KSR2: variants seen among roughly 807,000 people sequenced by gnomAD.
The protein encoded by KSR2 is kinase suppressor of ras 2.
In KSR2, 25 loss-of-function variants were observed where a neutral mutation model predicts 107.8. That is an observed-to-expected ratio of 0.23 (90% CI 0.17 to 0.32). The LOEUF (loss-of-function observed/expected upper bound fraction) is 0.32, where lower values mean the gene tolerates loss of function less well. Among genes scored for constraint, KSR2 ranks in the 10% least tolerant of loss-of-function variants. The probability of loss-of-function intolerance (pLI) is 1.00; values close to 1 mark genes in which losing one functional copy is unlikely to be tolerated. For synonymous variants in KSR2, 480 were observed against 507.0 expected, an observed-to-expected ratio of 0.95 and a Z score of 0.71; for missense variants, 887 against 1,268.9, an observed-to-expected ratio of 0.70 and a Z score of 4.57.
chr12:117,878,156 G>A (rs533466256), intron 1 of KSR2, among the ~76,000 whole-genome samples: 28 of 96,974 alleles, frequency 2.9e-4, no homozygotes, highest in Non-Finnish European at 1.2e-4. Flanking sequence ...TTGCACCACC[G>A]TGCAAGAATT....
intron 5 of KSR2, among the ~76,000 whole-genome samples, chr12:117,597,687 T>C (rs1880726111): frequency 6.6e-6 from 1 of 152,238 alleles, no homozygotes; most frequent in Admixed American, 6.5e-5. Flanking sequence ...TTTCAGCCAC[T>C]GATTTTATGA....
chr12:117,601,959 G>T (rs1880981483), intron 5 of KSR2, among the ~76,000 whole-genome samples: 4 of 152,106 alleles, frequency 2.6e-5, no homozygotes, highest in African/African-American at 7.3e-5. Flanking sequence ...AGACTTTGCG[G>T]CCTATACAGT....
chr12:117,507,695 C>T (rs1373106232), intron 14 of KSR2, among the ~76,000 whole-genome samples: 1 of 152,116 alleles, frequency 6.6e-6, no homozygotes, highest in East Asian at 1.9e-4. Context: ...AAACCTACCC[C>T]CCTGCGATCT....
intron 1 of KSR2, among the ~76,000 whole-genome samples, chr12:117,878,879 C>T (rs560409392): frequency 4.4e-4 from 67 of 152,284 alleles, no homozygotes; most frequent in African/African-American, 1.5e-3. Flanking sequence ...CAGCTATTTA[C>T]GGTCACGCTG....
chr12:117,799,974 G>T (rs1890770168), intron 3 of KSR2, among the ~76,000 whole-genome samples: 1 of 152,200 alleles, frequency 6.6e-6, no homozygotes, highest in African/African-American at 2.4e-5. Context: ...AACGAGGCTG[G>T]ACGCCTGCAA....
At chr12:117,745,902 C>A (rs2136803510) in intron 4 of KSR2, among the ~76,000 whole-genome samples, 1 of 152,188 alleles carries the variant, frequency 6.6e-6, no homozygotes, top group South Asian at 2.1e-4. Context: ...TCAAGGAGAA[C>A]TACAAACCAC....
At chr12:117,480,772 G>A (rs1049814847) in intron 16 of KSR2, among the ~76,000 whole-genome samples, 1 of 152,130 alleles carries the variant, frequency 6.6e-6, no homozygotes, top group African/African-American at 2.4e-5. Context: ...ATAAGGAAAC[G>A]GAGGCTCAAA....
In KSR2 at chr12:117,464,059, T is replaced by C. The variant is rs566714496; in HGVS notation, c.*3140A>G. On this transcript the variant is annotated 3_prime_UTR_variant, in exon 20 of 20. Transcript: ENST00000339824. Reference sequence around the variant, plus strand: ...GACAAAATGGATCTAAGCAATGACTTTGGGTTTCCAGCTTGGCTCTGGGGA... The same window carrying C: ...GACAAAATGGATCTAAGCAATGACTCTGGGTTTCCAGCTTGGCTCTGGGGA... 6.6e-6 allele frequency: 1 copy of C among 152,284 alleles called. No homozygotes were observed. The highest frequency in any genetic ancestry group is 2.1e-4 in the South Asian group (1 of 4,820). 9.4% of individuals were successfully genotyped at this position (152,284 alleles called of 1,614,324 possible).
At chr12:117,941,539 A>G (rs1896006427) in intron 1 of KSR2, among the ~76,000 whole-genome samples, 1 of 146,366 alleles carries the variant, frequency 6.8e-6, no homozygotes, top group East Asian at 2.0e-4. Context: ...ACATATTTTT[A>G]TTAAGTTTCA....
At chr12:117,914,589 C>A (rs1300400930) in intron 1 of KSR2, among the ~76,000 whole-genome samples, 3 of 152,170 alleles carry the variant, frequency 2.0e-5, no homozygotes, top group Admixed American at 1.3e-4. Context: ...GGCTAGAATG[C>A]AGTGCTGTAA....
At chr12:117,515,757 C>T (rs1219250099) in intron 14 of KSR2, among the ~76,000 whole-genome samples, 2 of 152,126 alleles carry the variant, frequency 1.3e-5, no homozygotes, top group African/African-American at 2.4e-5. Context: ...GAAACCCCGT[C>T]TCTACTAAAA....
At chr12:117,490,694 C>A (rs1399079588) in intron 14 of KSR2, among the ~76,000 whole-genome samples, 1 of 152,096 alleles carries the variant, frequency 6.6e-6, no homozygotes, top group African/African-American at 2.4e-5. Context: ...CTGCACCCAG[C>A]CTAAATGGTG....
At chr12:117,867,183 T>C (rs994103667) in intron 1 of KSR2, among the ~76,000 whole-genome samples, 1 of 151,846 alleles carries the variant, frequency 6.6e-6, no homozygotes, top group Non-Finnish European at 1.5e-5. Context: ...AGGCATGGTG[T>C]TGTGTGCCTG....
intron 4 of KSR2, among the ~76,000 whole-genome samples, chr12:117,714,146 G>A (rs952510940): frequency 3.3e-5 from 5 of 152,160 alleles, no homozygotes; most frequent in Admixed American, 2.0e-4. Context: ...TGTTCCAGGA[G>A]GATGAGCCGA....
At chr12:117,579,418 T>C (rs747008319) in intron 6 of KSR2, among the ~76,000 whole-genome samples, 13 of 152,186 alleles carry the variant, frequency 8.5e-5, no homozygotes, top group African/African-American at 3.1e-4. Flanking sequence ...CATAGGTTGC[T>C]GGAGAGATTA....
At chr12:117,578,138 ACAGAAGGTGAG>A (rs1721835667) in intron 7 of KSR2, among the ~76,000 whole-genome samples, 1 of 152,124 alleles carries the variant, frequency 6.6e-6, no homozygotes, top group Non-Finnish European at 1.5e-5. Context: ...ATATGATACT[ACAGAAGGTGAG>A]CAGAAAAGGA....
At chr12:117,844,458 C>T (rs1375858826) in intron 3 of KSR2, among the ~76,000 whole-genome samples, 1 of 133,470 alleles carries the variant, frequency 7.5e-6, no homozygotes, top group Non-Finnish European at 1.6e-5. Context: ...TGCTGAGATG[C>T]TGAAATTCCC....
At chr12:117,640,740 C>T (rs770865694) in intron 5 of KSR2, among the ~76,000 whole-genome samples, 6 of 152,162 alleles carry the variant, frequency 3.9e-5, no homozygotes, top group Non-Finnish European at 5.9e-5. Context: ...CCCTCCATGG[C>T]AAACAGCCGC....
intron 3 of KSR2, among the ~76,000 whole-genome samples, chr12:117,777,154 T>C (rs903494144): frequency 2.4e-4 from 33 of 139,282 alleles, no homozygotes; most frequent in South Asian, 1.4e-3. Context: ...TATATATATA[T>C]ACACACCATA....
Sources: allele counts gnomAD v4.1 joint callset (sites outside exome capture counted in the v4.1 genomes callset), GRCh38; gene constraint gnomAD v4.1.1; transcripts MANE v1.5; gene names NCBI Gene and HGNC (gene_info 2026-07-23, HGNC 2026-07-21).